Variants in TLE1 observed in about 807,000 individuals in gnomAD.
TLE1 encodes the protein TLE family member 1, transcriptional corepressor, also known as transducin-like enhancer protein 1.
In TLE1, 21 loss-of-function variants were observed where a neutral mutation model predicts 89.8. The observed-to-expected ratio is 0.23, with a 90% CI of 0.17 to 0.34. The LOEUF is 0.34. Ranked by LOEUF, TLE1 falls within the 10% of genes least tolerant of loss-of-function variation. The probability of loss-of-function intolerance (pLI) is 1.00; values close to 1 mark genes in which losing one functional copy is unlikely to be tolerated. For missense variants in TLE1, 795 were observed against 1,031.2 expected, an observed-to-expected ratio of 0.77 and a Z score of 3.14; for synonymous variants, 447 against 407.6, an observed-to-expected ratio of 1.10 and a Z score of -1.16.
Position 81,689,515 on chromosome 9 carries a change from G to A in TLE1, c.-1275C>T, listed in dbSNP as rs1355752373. ...TTCTGCAGCCGCCGCTCCCACCGCC[G>A]CCGCCGCCCGCGCCTCTCGCGCCGC... On this transcript the variant is annotated 5_prime_UTR_variant, in exon 1 of 20. Transcript: ENST00000376499. 6.6e-6 allele frequency among the ~76,000 whole-genome samples: 1 copy of A among 152,112 alleles called. No individual in the cohort carries two copies. Among genetic ancestry groups the A allele is most frequent in the African/African-American group, 2.4e-5 (1 of 41,432 alleles).
At chr9:81,590,034 C>A (rs1464810978) in intron 16 of TLE1, among the ~76,000 whole-genome samples, 1 of 152,230 alleles carries the variant, frequency 6.6e-6, no homozygotes, top group East Asian at 1.9e-4. Context: ...AAACAAGCCA[C>A]AGACCCCAAA....
chr9:81,639,872 C>T (rs1041085276), intron 6 of TLE1, among the ~76,000 whole-genome samples: 2 of 152,088 alleles, frequency 1.3e-5, no homozygotes, highest in African/African-American at 4.8e-5. Flanking sequence ...CAGGCATGAA[C>T]CACCGCGCCC....
At chr9:81,653,404 T>A (rs754008588) in intron 5 of TLE1, among the ~76,000 whole-genome samples, 2 of 152,254 alleles carry the variant, frequency 1.3e-5, no homozygotes, top group Non-Finnish European at 2.9e-5. Context: ...TTTCATAGAT[T>A]ACTCATATAA....
chr9:81,678,239 G>C (rs1487086550), intron 4 of TLE1, among the ~76,000 whole-genome samples: 1 of 152,124 alleles, frequency 6.6e-6, no homozygotes, highest in East Asian at 1.9e-4. Flanking sequence ...ACAAGGTCTT[G>C]CTTGTGTCAT....
At chr9:81,632,498 C>T (rs1211479785) in intron 8 of TLE1, among the ~76,000 whole-genome samples, 2 of 108,986 alleles carry the variant, frequency 1.8e-5, no homozygotes, top group African/African-American at 3.6e-5. Flanking sequence ...TTTTTTTTTA[C>T]CATATTAAAC....
intron 4 of TLE1, among the ~76,000 whole-genome samples, chr9:81,663,213 C>T (rs569972413): frequency 1.3e-5 from 2 of 152,252 alleles, no homozygotes; most frequent in African/African-American, 4.8e-5. Flanking sequence ...ACCACGTTTG[C>T]GATCAACAGT....
intron 15 of TLE1, among the ~76,000 whole-genome samples, 165 bp from the exon 16 acceptor site, chr9:81,591,217 C>T (rs1480302121): frequency 6.6e-6 from 1 of 152,182 alleles, no homozygotes; most frequent in African/African-American, 2.4e-5. Flanking sequence ...ACAACTGTCT[C>T]CTTCAAAATA....
intron 8 of TLE1, among the ~76,000 whole-genome samples, chr9:81,630,698 T>C (rs531643503): frequency 1.3e-5 from 2 of 152,344 alleles, no homozygotes; most frequent in South Asian, 2.1e-4. Context: ...CAAACAGCAA[T>C]TGGCTGACTT....
At chr9:81,587,201 G>A (rs1828620953) in intron 17 of TLE1, among the ~76,000 whole-genome samples, 1 of 152,088 alleles carries the variant, frequency 6.6e-6, no homozygotes, top group South Asian at 2.1e-4. Context: ...AGGTATCTGT[G>A]CATTTTTTTG....
intron 4 of TLE1, among the ~76,000 whole-genome samples, chr9:81,680,306 C>T (rs1389436294): frequency 1.3e-5 from 2 of 152,148 alleles, no homozygotes; most frequent in African/African-American, 2.4e-5. Context: ...CCCCACAGGA[C>T]AGGTAACCAA....
chr9:81,619,777 T>C (rs1415424036), intron 9 of TLE1, among the ~76,000 whole-genome samples: 1 of 152,174 alleles, frequency 6.6e-6, no homozygotes, highest in East Asian at 1.9e-4. Context: ...TTGGTTTCCT[T>C]TTGAATGTGG....
rs58907018 is a variant in TLE1, at chr9:81,584,965, CCCAT to C, written c.2129-445_2129-442del. Among the ~76,000 whole-genome samples the C allele has an allele frequency of 9.2e-3, 1,371 of 149,484 alleles. 19 individuals are homozygous for C. Among genetic ancestry groups the C allele is most frequent in the African/African-American group, 0.032 (1,295 of 40,500 alleles). ...TCAATAAGTGATAGGCACTCATCCA[CCCAT>C]CCATCCATCCATCCATCCATCCATC... On this transcript the variant is annotated intron_variant, in intron 18 of 19. Transcript: ENST00000376499.
At chr9:81,644,965 C>A (rs1427359905) in intron 6 of TLE1, among the ~76,000 whole-genome samples, 3 of 134,068 alleles carry the variant, frequency 2.2e-5, no homozygotes, top group Non-Finnish European at 4.6e-5. Flanking sequence ...CTGCACACTG[C>A]ACTCCAGCCT....
chr9:81,601,592 A>C (rs1830929516), intron 14 of TLE1, among the ~76,000 whole-genome samples: 1 of 151,758 alleles, frequency 6.6e-6, no homozygotes, highest in Non-Finnish European at 1.5e-5. Context: ...CAGCAGTGCT[A>C]CAGTGCCAGA....
chr9:81,589,418 T>C (rs1829132308), intron 16 of TLE1, among the ~76,000 whole-genome samples: 1 of 152,180 alleles, frequency 6.6e-6, no homozygotes, highest in South Asian at 2.1e-4. Flanking sequence ...CAATAGGCTT[T>C]ACATGGCCCT....
chr9:81,679,336 T>C (rs1218408970), intron 4 of TLE1, among the ~76,000 whole-genome samples: 1 of 152,078 alleles, frequency 6.6e-6, no homozygotes, highest in Non-Finnish European at 1.5e-5. Flanking sequence ...CTGTGGACCC[T>C]GCTCAGGAAG....
intron 6 of TLE1, among the ~76,000 whole-genome samples, chr9:81,638,826 C>T (rs1026472784): frequency 2.0e-5 from 3 of 152,096 alleles, no homozygotes; most frequent in Non-Finnish European, 4.4e-5. Context: ...GGTTTTACCA[C>T]ATTGGCCAGG....
At chr9:81,615,081 CAAAAAAAAAAAAAAAAAAAA>C (rs34947337) in intron 11 of TLE1, among the ~76,000 whole-genome samples, 321 of 25,030 alleles carry the variant, frequency 0.013, 8 homozygotes, top group Admixed American at 0.081. Flanking sequence ...GACTCCATCT[CAAAAAAAAAAAAAAAAAAAA>C]AAAAAAAAAA....
At chr9:81,653,823 T>C in intron 5 of TLE1, 151 bp downstream of exon 5, 1 of 652,040 alleles carries the variant, frequency 1.5e-6, no homozygotes. Flanking sequence ...TCAGATGTGT[T>C]GGATAGACTA....
Sources: allele counts gnomAD v4.1 joint callset (sites outside exome capture counted in the v4.1 genomes callset), GRCh38; gene constraint gnomAD v4.1.1; transcripts MANE v1.5; gene names NCBI Gene and HGNC (gene_info 2026-07-23, HGNC 2026-07-21).